GPC5: variants seen among roughly 807,000 people sequenced by gnomAD.
GPC5 encodes the protein glypican 5, also known as glypican-5.
In GPC5, 47 loss-of-function variants were observed where a neutral mutation model predicts 53.9. The observed-to-expected ratio is 0.87, with a 90% CI of 0.69 to 1.11. The LOEUF (loss-of-function observed/expected upper bound fraction) is 1.11. Ranked by LOEUF, GPC5 falls within the 50% of genes most tolerant of loss-of-function variation. The pLI is 0.00. For missense variants in GPC5, 748 were observed against 713.1 expected, an observed-to-expected ratio of 1.05 and a Z score of -0.56; for synonymous variants, 286 against 263.3, an observed-to-expected ratio of 1.09 and a Z score of -0.84.
chr13:91,898,270 A>C (rs1422987542), intron 5 of GPC5, among the ~76,000 whole-genome samples: 1 of 152,170 alleles, frequency 6.6e-6, no homozygotes, highest in African/African-American at 2.4e-5. Flanking sequence ...AAGACTTATA[A>C]ATTTTGCTTA....
In GPC5 at chr13:91,489,969, G is replaced by A. The variant is rs115439857; in HGVS notation, c.325+41047G>A. Among the ~76,000 whole-genome samples, 1,389 of 152,298 alleles carry A rather than the reference G, an allele frequency of 9.1e-3. 22 individuals are homozygous for A. The highest frequency in any genetic ancestry group is 0.031 in the African/African-American group (1,308 of 41,572). On this transcript the variant is annotated intron_variant, in intron 2 of 7. Coordinates refer to ENST00000377067, the MANE Select transcript of GPC5 (RefSeq NM_004466.6). ...ATATGAATTATTAAAAGAAAAAGGC[G>A]GAGGGGGGAGTGAGTCACCTAGGTT...
At chr13:91,901,947 C>T (rs376934106) in intron 5 of GPC5, among the ~76,000 whole-genome samples, 57 of 151,970 alleles carry the variant, frequency 3.8e-4, no homozygotes, top group African/African-American at 1.3e-3. Flanking sequence ...TCTTTTTAAC[C>T]CCCGATAGAA....
chr13:92,522,617 G>A (rs1881105449), intron 7 of GPC5, among the ~76,000 whole-genome samples: 2 of 152,042 alleles, frequency 1.3e-5, no homozygotes, highest in Non-Finnish European at 2.9e-5. Context: ...GGGGCCTGTT[G>A]TGGGGTGGGG....
chr13:92,693,639 T>C (rs2139237750), intron 7 of GPC5, among the ~76,000 whole-genome samples: 1 of 152,276 alleles, frequency 6.6e-6, no homozygotes, highest in South Asian at 2.1e-4. Context: ...CCTGGCTGAT[T>C]CTGAGAGCAT....
intron 7 of GPC5, among the ~76,000 whole-genome samples, chr13:92,422,488 T>TCACACACACACACACACACACA (rs6145177): frequency 2.3e-5 from 3 of 133,314 alleles, no homozygotes; most frequent in African/African-American, 8.7e-5. Context: ...CATCACCATC[T>TCACACACACACACACACACACA]CACACACACA....
intron 7 of GPC5, among the ~76,000 whole-genome samples, chr13:92,352,282 A>G (rs1424109501): frequency 6.6e-6 from 1 of 152,236 alleles, no homozygotes; most frequent in East Asian, 1.9e-4. Context: ...AAAAATGTCA[A>G]AAAACGTGGC....
At chr13:91,715,299 A>T (rs2036312728) in intron 3 of GPC5, among the ~76,000 whole-genome samples, 1 of 152,228 alleles carries the variant, frequency 6.6e-6, no homozygotes, top group Non-Finnish European at 1.5e-5. Flanking sequence ...GATGTATGAT[A>T]TGATCCTGTG....
chr13:92,495,958 T>G (rs1355488865), intron 7 of GPC5, among the ~76,000 whole-genome samples: 1 of 151,998 alleles, frequency 6.6e-6, no homozygotes, highest in East Asian at 1.9e-4. Context: ...TTTCAACAAT[T>G]TTTTTTAAAG....
intron 5 of GPC5, among the ~76,000 whole-genome samples, chr13:91,831,940 T>C (rs1384711190): frequency 6.6e-6 from 1 of 151,948 alleles, no homozygotes; most frequent in African/African-American, 2.4e-5. Context: ...ATTCTATCGA[T>C]TTGGAGTGGA....
At chr13:91,762,843 G>A (rs1371459072) in intron 5 of GPC5, among the ~76,000 whole-genome samples, 2 of 152,006 alleles carry the variant, frequency 1.3e-5, no homozygotes, top group Non-Finnish European at 2.9e-5. Flanking sequence ...ATGCAGCTTT[G>A]CCAAACTCTC....
At chr13:91,780,673 A>C (rs1185029557) in intron 5 of GPC5, among the ~76,000 whole-genome samples, 1 of 152,038 alleles carries the variant, frequency 6.6e-6, no homozygotes, top group African/African-American at 2.4e-5. Flanking sequence ...GTAAAGTTCA[A>C]CTCTGGGGTT....
chr13:92,499,474 T>A (rs1880102777), intron 7 of GPC5, among the ~76,000 whole-genome samples: 1 of 152,170 alleles, frequency 6.6e-6, no homozygotes, highest in Non-Finnish European at 1.5e-5. Flanking sequence ...TTATTGAAAA[T>A]GTTTTCATAA....
chr13:91,627,693 T>A (rs1196695111), intron 2 of GPC5, among the ~76,000 whole-genome samples: 1 of 152,116 alleles, frequency 6.6e-6, no homozygotes, highest in Non-Finnish European at 1.5e-5. Context: ...ACTTGAAATA[T>A]AAAATAAAGT....
intron 4 of GPC5, among the ~76,000 whole-genome samples, chr13:91,737,706 T>C (rs1406354413): frequency 6.6e-6 from 1 of 151,492 alleles, no homozygotes; most frequent in Non-Finnish European, 1.5e-5. Context: ...GTTAGAGATA[T>C]GGCACCCTAA....
chr13:92,171,944 G>A (rs2042073622), intron 7 of GPC5, among the ~76,000 whole-genome samples: 1 of 152,168 alleles, frequency 6.6e-6, no homozygotes, highest in African/African-American at 2.4e-5. Context: ...CTACCAACTT[G>A]GGATTTCCAT....
intron 6 of GPC5, among the ~76,000 whole-genome samples, chr13:92,044,244 T>C (rs1230397511): frequency 6.6e-6 from 1 of 152,212 alleles, no homozygotes; most frequent in Non-Finnish European, 1.5e-5. Flanking sequence ...TTTAACCACA[T>C]ACAACAGACT....
At chr13:92,238,760 T>C (rs773535834) in intron 7 of GPC5, among the ~76,000 whole-genome samples, 36 of 141,298 alleles carry the variant, frequency 2.5e-4, no homozygotes, top group Non-Finnish European at 4.7e-4. Context: ...CAAAAGTTTT[T>C]AATTTTGATG....
intron 7 of GPC5, among the ~76,000 whole-genome samples, chr13:92,407,206 A>G (rs551129871): frequency 1.1e-4 from 17 of 152,324 alleles, no homozygotes; most frequent in Non-Finnish European, 2.5e-4. Context: ...CTGATATACA[A>G]GAGTAAAAAT....
intron 7 of GPC5, among the ~76,000 whole-genome samples, chr13:92,150,116 T>G (rs561773249): frequency 1.3e-5 from 2 of 151,976 alleles, no homozygotes; most frequent in Non-Finnish European, 2.9e-5. Flanking sequence ...ATTTTTTCAA[T>G]AAGGCTTATC....
Sources: gnomAD v4.1 joint callset for allele counts (sites outside exome capture counted in the v4.1 genomes callset) on GRCh38, gnomAD v4.1.1 for gene constraint, MANE v1.5 for transcripts, NCBI Gene and HGNC (gene_info 2026-07-23, HGNC 2026-07-21) for gene names.